EPS15: variants seen among roughly 807,000 people sequenced by gnomAD.
The protein encoded by EPS15 is epidermal growth factor receptor pathway substrate 15.
Under a neutral mutation model 113.8 loss-of-function variants are expected in EPS15, and 72 were observed. That is an observed-to-expected ratio of 0.63 (90% CI 0.52 to 0.77). The LOEUF is 0.77. Ranked by LOEUF, EPS15 falls within the 30% of genes least tolerant of loss-of-function variation. EPS15 has a pLI of 0.00. For missense variants in EPS15, 1,048 were observed against 1,045.8 expected (o/e 1.00, Z -0.03); for synonymous variants, 344 against 363.4 (o/e 0.95, Z 0.61).
chr1:51,434,674 T>G (rs1651996840), intron 12 of EPS15, among the ~76,000 whole-genome samples: 1 of 152,130 alleles, frequency 6.6e-6, no homozygotes, highest in African/African-American at 2.4e-5. Context: ...TGAATATATT[T>G]CTTTTTCTTT....
chr1:51,372,907 A>G, intron 21 of EPS15: 2 of 782,446 alleles, frequency 2.6e-6, no homozygotes, highest in South Asian at 1.6e-5. Context: ...AAACAGCCAC[A>G]GGCAAGCTGC....
chr1:51,377,690 G>A (rs1232990099), intron 21 of EPS15, among the ~76,000 whole-genome samples: 2 of 151,972 alleles, frequency 1.3e-5, no homozygotes. Context: ...AAAGGCTATC[G>A]AACAGTGTCA....
chr1:51,420,277 T>A (rs1337831299), intron 13 of EPS15, among the ~76,000 whole-genome samples: 3 of 152,128 alleles, frequency 2.0e-5, no homozygotes, highest in Non-Finnish European at 4.4e-5. Flanking sequence ...GGATAGCCTA[T>A]TTAAACTGAA....
At chr1:51,519,112 C>T (rs1300395898) in intron 1 of EPS15, 87 bp downstream of exon 1, 2 of 950,562 alleles carry the variant, frequency 2.1e-6, no homozygotes, top group Non-Finnish European at 3.0e-6. Flanking sequence ...CCTGCTTGGC[C>T]CACAAGCCAA....
chr1:51,516,006 T>C (rs1183389514), intron 1 of EPS15, among the ~76,000 whole-genome samples: 1 of 150,386 alleles, frequency 6.6e-6, no homozygotes, highest in Non-Finnish European at 1.5e-5. Flanking sequence ...ATTGGAAACT[T>C]TTTTTTTTTA....
chr1:51,498,673 A>C (rs1340157983), intron 1 of EPS15, among the ~76,000 whole-genome samples: 3 of 152,204 alleles, frequency 2.0e-5, no homozygotes, highest in Non-Finnish European at 2.9e-5. Flanking sequence ...TAAGTTGAGA[A>C]GCATCTGTAT....
At chr1:51,450,368 C>T (rs1437531075) in intron 8 of EPS15, among the ~76,000 whole-genome samples, 1 of 151,830 alleles carries the variant, frequency 6.6e-6, no homozygotes, top group African/African-American at 2.4e-5. Context: ...GCTCCAGCAT[C>T]TGCCTCTCAT....
chr1:51,448,067 C>T lies in EPS15; in HGVS notation c.630G>A (p.Val210=), dbSNP rs746527801. 4 of 1,613,508 alleles carry T rather than the reference C, an allele frequency of 2.5e-6. No individual in the cohort carries two copies. The highest frequency in any genetic ancestry group is 1.1e-5 in the South Asian group (1 of 91,074). ...TGACCGTTTTTCTCTTAGATGGTGG[C>T]ACCAAGGCTGGAGGCAAGGACATTG... ...PVPMSLPPAL[V]PPSKRKTWVV... is the part of the protein sequence containing the mutation. The change falls in exon 9 of 25, where the codon GTG becomes GTA. Residue 210 remains valine (V), a synonymous_variant. Coordinates refer to ENST00000371733, the MANE Select transcript of EPS15 (RefSeq NM_001981.3).
At chr1:51,403,334 C>T (rs1336629750) in intron 17 of EPS15, 85 bp downstream of exon 17, 1 of 695,830 alleles carries the variant, frequency 1.4e-6, no homozygotes, top group Non-Finnish European at 2.5e-6. Flanking sequence ...GTATATTGTA[C>T]CCATTAAGTA....
At chr1:51,472,795 C>G in intron 3 of EPS15, 64 bp downstream of exon 3, 9 of 1,195,448 alleles carry the variant, frequency 7.5e-6, no homozygotes, top group Middle Eastern at 2.0e-4. Flanking sequence ...AAATTTGCAT[C>G]CAGTTCATCT....
At chr1:51,457,705 C>A (rs184908558) in intron 8 of EPS15, 1 of 151,732 alleles carries the variant, frequency 6.6e-6, no homozygotes, top group African/African-American at 2.4e-5. Flanking sequence ...TCACATGAGA[C>A]CAGGAGTGGA....
intron 13 of EPS15, among the ~76,000 whole-genome samples, chr1:51,420,497 A>C (rs1032809244): frequency 2.6e-5 from 4 of 152,148 alleles, no homozygotes; most frequent in Non-Finnish European, 4.4e-5. Context: ...AATTATGAAA[A>C]CTTGTGTAGA....
At chr1:51,363,755 T>C (rs1428381091) in intron 23 of EPS15, 111 bp downstream of exon 23, 11 of 915,896 alleles carry the variant, frequency 1.2e-5, no homozygotes, top group African/African-American at 3.4e-5. Context: ...GCTTCTGACA[T>C]ATGTTTGACT....
chr1:51,409,645 C>T lies in EPS15; in HGVS notation c.1165G>A (p.Ala389Thr). ...RENTNLQKLQ[A>T]QKQQVQELLD... ...AGTTCCTGTACCTGCTGTTTCTGGG[C>T]CTGTAGTTTTTGCAGATTAGTATTC... is the stretch of plus-strand genomic sequence containing the variant. Residue 389 changes from alanine to threonine, a missense_variant, in exon 14 of 25, where the codon GCC becomes ACC. Coordinates refer to ENST00000371733, the MANE Select transcript of EPS15 (RefSeq NM_001981.3). 2 of 1,613,310 alleles carry T rather than the reference C, an allele frequency of 1.2e-6. No homozygotes were observed. Among genetic ancestry groups the T allele is most frequent in the Non-Finnish European group, 1.7e-6 (2 of 1,179,618 alleles).
At chr1:51,463,265 C>G (rs1654610377) in intron 7 of EPS15, 1 of 152,996 alleles carries the variant, frequency 6.5e-6, no homozygotes, top group South Asian at 2.1e-4. Flanking sequence ...ACAGGAAGTA[C>G]AAGTTAGAGA....
intron 21 of EPS15, among the ~76,000 whole-genome samples, chr1:51,371,237 T>G (rs1257215798): frequency 1.3e-5 from 2 of 152,168 alleles, no homozygotes; most frequent in East Asian, 3.8e-4. Context: ...AGTGTTCACC[T>G]TCTACATATA....
chr1:51,371,365 T>C (rs1159341022), intron 21 of EPS15, among the ~76,000 whole-genome samples: 2 of 152,212 alleles, frequency 1.3e-5, no homozygotes, highest in African/African-American at 4.8e-5. Context: ...CCCAAAGACC[T>C]TCCAGGGGGA....
chr1:51,367,271 G>A (rs72694138), intron 21 of EPS15, among the ~76,000 whole-genome samples: 4,580 of 152,262 alleles, frequency 0.03, 76 homozygotes, highest in African/African-American at 0.05. Flanking sequence ...TATTTAACAG[G>A]CCAGGTGCAG....
intron 2 of EPS15, among the ~76,000 whole-genome samples, chr1:51,478,220 G>A (rs1375026453): frequency 6.6e-6 from 1 of 152,004 alleles, no homozygotes; most frequent in African/African-American, 2.4e-5. Context: ...GGCCTTCTTT[G>A]TCTCTTTTGA....
Sources: allele counts gnomAD v4.1 joint callset (sites outside exome capture counted in the v4.1 genomes callset), GRCh38; gene constraint gnomAD v4.1.1; transcripts MANE v1.5; gene names NCBI Gene and HGNC (gene_info 2026-07-23, HGNC 2026-07-21).